The following PAMR1 variants were observed in gnomAD, a reference collection of about 807,000 sequenced individuals.
The protein encoded by PAMR1 is inactive serine protease PAMR1.
In PAMR1, 88 loss-of-function variants were observed where a neutral mutation model predicts 81.8. That is an observed-to-expected ratio of 1.08 (90% confidence interval 0.91 to 1.28). The LOEUF is 1.28. Among genes scored for constraint, PAMR1 ranks in the 50% most tolerant of loss-of-function variants. PAMR1 has a pLI of 0.00. For synonymous variants in PAMR1, 336 were observed against 345.3 expected, an observed-to-expected ratio of 0.97 and a Z score of 0.30; for missense variants, 935 against 919.7, an observed-to-expected ratio of 1.02 and a Z score of -0.21.
upstream of PAMR1, among the ~76,000 whole-genome samples, chr11:35,527,993 C>T (rs1004148203): frequency 3.9e-5 from 6 of 152,114 alleles, no homozygotes; most frequent in East Asian, 1.2e-3. Context: ...TTTTCATCTT[C>T]CCTCTCCCCA....
chr11:35,441,544 T>C lies in PAMR1; in HGVS notation c.970A>G (p.Asn324Asp). Reference protein sequence around the residue: ...FCNNSYVLSGNEKRTCQQNGE... With the variant: ...FCNNSYVLSGDEKRTCQQNGE... ...TTCTGCTGGCAAGTTCTTTTCTCAT[T>C]GCCACTAAGAACATAGGAGTTGTTA... The change falls in exon 7 of 11, where the codon AAT (asparagine) becomes GAT (aspartate). Residue 324 changes from asparagine (N) to aspartate (D), a missense_variant. Physicochemically the swap from Asn to Asp is conservative, Grantham distance 23 (BLOSUM62 1). Transcript: ENST00000619888. 6.2e-7 allele frequency: 1 copy of C among 1,613,942 alleles called. No homozygotes were observed. Among genetic ancestry groups the C allele is most frequent in the East Asian group, 2.2e-5 (1 of 44,886 alleles).
At chr11:35,507,312 A>C (rs955666916) in intron 1 of PAMR1, among the ~76,000 whole-genome samples, 1 of 151,934 alleles carries the variant, frequency 6.6e-6, no homozygotes, top group Non-Finnish European at 1.5e-5. Context: ...CTCCCAAAGC[A>C]CTGGGATTAC....
chr11:35,451,235 G>C (rs1436009558), intron 6 of PAMR1, among the ~76,000 whole-genome samples: 1 of 152,142 alleles, frequency 6.6e-6, no homozygotes, highest in South Asian at 2.1e-4. Flanking sequence ...ATTTAATGTG[G>C]ATTTAACTAG....
chr11:35,523,109 C>T (rs1327929184), intron 1 of PAMR1, among the ~76,000 whole-genome samples: 1 of 152,288 alleles, frequency 6.6e-6, no homozygotes. Flanking sequence ...AAAATCCACC[C>T]GTGCCAAGAA....
rs1486552138 is a variant in PAMR1 at position 35,441,661 on chromosome 11, C to T, written c.853G>A (p.Gly285Ser). 6.2e-7 allele frequency: 1 copy of T among 1,613,456 alleles called. No homozygotes were observed. Among genetic ancestry groups the T allele is most frequent in the Non-Finnish European group, 8.5e-7 (1 of 1,179,660 alleles). Residue 285 changes from glycine to serine, a missense_variant, in exon 7 of 11, where the codon GGC (glycine) becomes AGC (serine). Transcript: ENST00000619888. ...LEERNCSDPG[G>S]PVNGYQKITG... ...ATTTTCTGGTACCCATTGACTGGGC[C>T]CCCAGGGTCTGAGCAGTTTCTTTCT... is the stretch of plus-strand genomic sequence containing the variant.
chr11:35,475,176 C>T (rs1279485583), intron 3 of PAMR1, among the ~76,000 whole-genome samples: 2 of 152,164 alleles, frequency 1.3e-5, no homozygotes, highest in South Asian at 2.1e-4. Flanking sequence ...AGACCCTCCC[C>T]ACAGCTCTAC....
chr11:35,490,055 T>C (rs370742310), intron 3 of PAMR1, among the ~76,000 whole-genome samples: 4 of 152,208 alleles, frequency 2.6e-5, no homozygotes, highest in Admixed American at 1.3e-4. Context: ...CTTGCAATCA[T>C]GGCAGAAGGC....
chr11:35,432,284 C>T lies in PAMR1; in HGVS notation c.*72G>A. ...CAGGCCAAATCACACTTCAGGCCCACACTGCTTCACGCAATGACACACGTA... is the reference window on the plus strand; with the variant it reads ...CAGGCCAAATCACACTTCAGGCCCATACTGCTTCACGCAATGACACACGTA... On this transcript the variant is annotated 3_prime_UTR_variant, in exon 11 of 11. Coordinates refer to ENST00000619888, the MANE Select transcript of PAMR1 (RefSeq NM_001001991.3). The T allele has an allele frequency of 7.0e-7, 1 of 1,419,370 alleles. No homozygotes were observed. Among genetic ancestry groups the T allele is most frequent in the Admixed American group, 1.8e-5 (1 of 56,370 alleles). 87.9% of individuals were successfully genotyped at this position (1,419,370 alleles called of 1,614,324 possible). A position where few individuals can be genotyped will look rare whatever the true frequency, so the allele number is the denominator to read the frequency against.
chr11:35,481,074 A>T (rs1480677978), intron 3 of PAMR1, among the ~76,000 whole-genome samples: 3 of 152,220 alleles, frequency 2.0e-5, no homozygotes, highest in Non-Finnish European at 4.4e-5. Context: ...ATGGTATATT[A>T]TATACCACAT....
intron 3 of PAMR1, among the ~76,000 whole-genome samples, chr11:35,491,285 T>C (rs1850620858): frequency 6.6e-6 from 1 of 152,174 alleles, no homozygotes; most frequent in Non-Finnish European, 1.5e-5. Context: ...CAGTCAAAGA[T>C]ACCAACCACA....
chr11:35,496,065 C>G (rs1317261986), intron 1 of PAMR1, among the ~76,000 whole-genome samples: 1 of 152,188 alleles, frequency 6.6e-6, no homozygotes, highest in African/African-American at 2.4e-5. Context: ...ACCACCATGA[C>G]TTACTTAGCT....
At chr11:35,497,213 G>A (rs1320300207) in intron 1 of PAMR1, among the ~76,000 whole-genome samples, 1 of 151,934 alleles carries the variant, frequency 6.6e-6, no homozygotes. Flanking sequence ...AAAAAATGAG[G>A]TACGTGCATA....
chr11:35,491,965 GA>G (rs1014690341), intron 3 of PAMR1, 79 bp downstream of exon 3: 91 of 1,265,930 alleles, frequency 7.2e-5, no homozygotes, highest in Middle Eastern at 4.0e-4. Context: ...AGATTCCAAG[GA>G]GATAAATTTT....
At chr11:35,495,856 A>T (rs1850718089) in intron 1 of PAMR1, among the ~76,000 whole-genome samples, 1 of 152,202 alleles carries the variant, frequency 6.6e-6, no homozygotes, top group African/African-American at 2.4e-5. Context: ...GAAGGCAGAC[A>T]CTCGCACAAT....
At chr11:35,520,365 G>A (rs769862209) in intron 1 of PAMR1, among the ~76,000 whole-genome samples, 3 of 152,176 alleles carry the variant, frequency 2.0e-5, no homozygotes, top group Non-Finnish European at 2.9e-5. Context: ...TGCCTTCCTT[G>A]AGCAGTTCTG....
At chr11:35,508,145 C>T (rs1283560168) in intron 1 of PAMR1, among the ~76,000 whole-genome samples, 1 of 152,190 alleles carries the variant, frequency 6.6e-6, no homozygotes, top group African/African-American at 2.4e-5. Context: ...CAGGTACTTA[C>T]AATGGTTCCT....
At chr11:35,504,379 C>T (rs1045486888) in intron 1 of PAMR1, among the ~76,000 whole-genome samples, 1 of 152,016 alleles carries the variant, frequency 6.6e-6, no homozygotes, top group African/African-American at 2.4e-5. Context: ...GATAATAGGG[C>T]AATGCTAGCC....
At chr11:35,433,509 T>C (rs1855955380) in intron 10 of PAMR1, among the ~76,000 whole-genome samples, 1 of 152,260 alleles carries the variant, frequency 6.6e-6, no homozygotes, top group Admixed American at 6.5e-5. Context: ...GTAAAATGTT[T>C]ATGTATATGT....
intron 6 of PAMR1, among the ~76,000 whole-genome samples, chr11:35,463,373 A>G (rs1856698027): frequency 6.6e-6 from 1 of 152,208 alleles, no homozygotes; most frequent in South Asian, 2.1e-4. Context: ...TTGTGCCCCA[A>G]GAGTTAGCCT....
Sources: allele counts gnomAD v4.1 joint callset (sites outside exome capture counted in the v4.1 genomes callset), GRCh38; gene constraint gnomAD v4.1.1; transcripts MANE v1.5; gene names NCBI Gene and HGNC (gene_info 2026-07-23, HGNC 2026-07-21).